Variants in MEGF6 observed in about 807,000 individuals in gnomAD.
The protein encoded by MEGF6 is multiple EGF like domains 6.
MEGF6 carries 184 observed loss-of-function variants against 207.1 expected under a neutral mutation model. The observed-to-expected ratio is 0.89, with a 90% confidence interval of 0.79 to 1.00. The LOEUF (loss-of-function observed/expected upper bound fraction) is 1.00, where lower values mean the gene tolerates loss of function less well. Ranked by LOEUF, MEGF6 falls within the 50% of genes least tolerant of loss-of-function variation. The pLI is 0.00. For synonymous variants in MEGF6, 1,038 were observed against 910.0 expected (o/e 1.14, Z -2.53); for missense variants, 2,282 against 2,202.9 (o/e 1.04, Z -0.72).
chr1:3,527,176 G>C (rs1027486459), intron 4 of MEGF6, among the ~76,000 whole-genome samples: 2 of 152,110 alleles, frequency 1.3e-5, no homozygotes, highest in Admixed American at 6.5e-5. Context: ...CACCTTCCAG[G>C]CTCCATCCTA....
At chr1:3,525,313 A>G (rs1269074674) in intron 4 of MEGF6, among the ~76,000 whole-genome samples, 1 of 152,230 alleles carries the variant, frequency 6.6e-6, no homozygotes, top group Non-Finnish European at 1.5e-5. Flanking sequence ...GACTTAGCTG[A>G]TGCCCCACTC....
At position 3,509,251 on chromosome 1, in the gene MEGF6, A is replaced by AG. The variant is rs1158776242; in HGVS notation, c.1358-7dup. On this transcript the variant is annotated splice_region_variant and splice_polypyrimidine_tract_variant and intron_variant, in intron 11 of 36. Coordinates refer to ENST00000356575, the MANE Select transcript of MEGF6 (RefSeq NM_001409.4). The stretch of plus-strand genomic sequence containing the variant: ...CACCATCGGCTCCTCCAGGGCTGCC[A>AG]GGGGCACAGAGGCGCCTTAGCCCCT... The AG allele has an allele frequency of 6.8e-7, 1 of 1,465,596 alleles. No homozygotes were observed. Among genetic ancestry groups the AG allele is most frequent in the Non-Finnish European group, 9.0e-7 (1 of 1,106,222 alleles). The allele number at this position is 1,465,596 out of a possible 1,614,324, so 90.8% of individuals were successfully genotyped here.
At chr1:3,615,587 C>T (rs374279229), upstream of MEGF6, among the ~76,000 whole-genome samples, 17 of 152,354 alleles carry the variant, frequency 1.1e-4, 1 homozygote, top group East Asian at 7.7e-4. Flanking sequence ...CACATCCCTG[C>T]GTGTTCTTGG....
At chr1:3,584,435 A>T (rs955717155) in intron 3 of MEGF6, among the ~76,000 whole-genome samples, 2 of 152,154 alleles carry the variant, frequency 1.3e-5, no homozygotes, top group Non-Finnish European at 2.9e-5. Flanking sequence ...AGTTGGGGTG[A>T]CCACCAGGCG....
At chr1:3,528,777 A>G (rs1159259107) in intron 4 of MEGF6, among the ~76,000 whole-genome samples, 1 of 152,144 alleles carries the variant, frequency 6.6e-6, no homozygotes, top group Non-Finnish European at 1.5e-5. Context: ...TGAAAGGGGC[A>G]AGAGACAGAC....
intron 1 of MEGF6, among the ~76,000 whole-genome samples, chr1:3,608,705 G>A (rs1644286109): frequency 6.6e-6 from 1 of 152,156 alleles, no homozygotes; most frequent in African/African-American, 2.4e-5. Flanking sequence ...TCCAACCATG[G>A]CTGGTCCGAG....
At chr1:3,505,960 A>G in intron 15 of MEGF6, 148 bp downstream of exon 15, 1 of 1,115,724 alleles carries the variant, frequency 9.0e-7, no homozygotes, top group South Asian at 1.6e-5. Flanking sequence ...CCACAGACTC[A>G]TGGCGGACCC....
upstream of MEGF6, among the ~76,000 whole-genome samples, chr1:3,614,784 G>A (rs985111259): frequency 4.6e-5 from 7 of 152,160 alleles, no homozygotes; most frequent in African/African-American, 7.2e-5. Flanking sequence ...TCTGCTGTCC[G>A]CCGTGAAGGA....
In MEGF6 at chr1:3,602,680, G is replaced by C; in HGVS notation, c.132-80C>G. 2.6e-6 allele frequency: 4 copies of C among 1,520,956 alleles called. No homozygotes were observed. In the South Asian group the frequency reaches 5.1e-5, roughly 19 times the overall value. 94.2% of individuals were successfully genotyped at this position (1,520,956 alleles called of 1,614,324 possible). A position where few individuals can be genotyped will look rare whatever the true frequency, so the allele number is the denominator to read the frequency against. ...CACCCCTCCTGCACCCCCAGCCTTG[G>C]GTGTCAGCTCATCTGGAGTGAGGTC... On this transcript the variant is annotated intron_variant, in intron 1 of 36. Coordinates refer to ENST00000356575, the MANE Select transcript of MEGF6 (RefSeq NM_001409.4).
At chr1:3,491,136 G>C (rs1365498070) in intron 35 of MEGF6, among the ~76,000 whole-genome samples, 177 bp from the exon 36 acceptor site, 1 of 151,904 alleles carries the variant, frequency 6.6e-6, no homozygotes, top group Non-Finnish European at 1.5e-5. Context: ...GCTGGGGGGG[G>C]GGGCTCTCCC....
Position 3,509,877 on chromosome 1 carries a change from G to A in MEGF6, c.1350C>T (p.Gly450=). ...GGAGGGCGGGAGACTCACGGCTGCAGCCCCTACGGTCCTCGTGCAGCCGGT... is the reference window on the plus strand; with the variant it reads ...GGAGGGCGGGAGACTCACGGCTGCAACCCCTACGGTCCTCGTGCAGCCGGT... ...AGYRLHEDRR[G]CSPLEEPMVD... Residue 450 remains glycine (G), a synonymous_variant, in exon 11 of 37, where the codon GGC becomes GGT. Coordinates refer to ENST00000356575, the MANE Select transcript of MEGF6 (RefSeq NM_001409.4). The A allele has an allele frequency of 1.3e-6, 2 of 1,557,674 alleles. No homozygotes were observed. The highest frequency in any genetic ancestry group is 1.2e-5 in the South Asian group (1 of 84,704).
chr1:3,602,869 C>T lies in MEGF6; in HGVS notation c.132-269G>A, dbSNP rs947676100. 5.3e-5 allele frequency among the ~76,000 whole-genome samples: 8 copies of T among 152,192 alleles called. No homozygotes were observed. In the East Asian group the frequency reaches 1.5e-3, roughly 29 times the overall value. On this transcript the variant is annotated intron_variant, in intron 1 of 36. Transcript: ENST00000356575. ...TGGATCCTAGTGCCCTAAGACCTTG[C>T]AACACAGCCACCAACGACGCTGCCT...
chr1:3,588,880 G>A (rs1212928074), intron 3 of MEGF6, among the ~76,000 whole-genome samples: 1 of 152,008 alleles, frequency 6.6e-6, no homozygotes, highest in Non-Finnish European at 1.5e-5. Flanking sequence ...TGCCCTGCAC[G>A]GCAGGCCCAG....
At chr1:3,514,730 C>T (rs1641478116) in intron 6 of MEGF6, 58 bp from the exon 7 acceptor site, 9 of 1,489,918 alleles carry the variant, frequency 6.0e-6, no homozygotes, top group Non-Finnish European at 8.1e-6. Flanking sequence ...GGCTGCAGGG[C>T]GCCTGCCCCC....
intron 4 of MEGF6, among the ~76,000 whole-genome samples, chr1:3,564,183 G>A (rs1360791462): frequency 1.3e-5 from 2 of 150,122 alleles, no homozygotes; most frequent in Non-Finnish European, 3.0e-5. Context: ...GAGCTGAGTC[G>A]GGGTGGGGGA....
chr1:3,595,324 C>T lies in MEGF6; in HGVS notation c.376+14G>A, dbSNP rs1413516246. ...GAGGTGGAGGGAGGGCGGGGAGGCGCAGGCGGCACTCACCCGAGAGGCAGC... is the reference window on the plus strand; with the variant it reads ...GAGGTGGAGGGAGGGCGGGGAGGCGTAGGCGGCACTCACCCGAGAGGCAGC... On this transcript the variant is annotated intron_variant, in intron 3 of 36. Transcript: ENST00000356575. 6.3e-7 allele frequency: 1 copy of T among 1,595,932 alleles called. No individual in the cohort carries two copies. The highest frequency in any genetic ancestry group is 8.6e-7 in the Non-Finnish European group (1 of 1,165,432).
Position 3,495,970 on chromosome 1 carries a change from C to T in MEGF6, c.3791G>A (p.Cys1264Tyr). 2 of 1,577,444 alleles carry T rather than the reference C, an allele frequency of 1.3e-6. No homozygotes were observed. Among genetic ancestry groups the T allele is most frequent in the Non-Finnish European group, 8.6e-7 (1 of 1,169,154 alleles). Residue 1264 changes from cysteine to tyrosine, a missense_variant, in exon 30 of 37, where the codon TGT (cysteine) becomes TAT (tyrosine). Transcript: ENST00000356575. Reference sequence around the variant, plus strand: ...AGGGTCGCAGGCCGCCCCCTGCCCACACCCACACACGTGGGTGCAGTTGGG... The same window carrying T: ...AGGGTCGCAGGCCGCCCCCTGCCCATACCCACACACGTGGGTGCAGTTGGG... Reference protein sequence around the residue: ...FGPNCTHVCGCGQGAACDPVT... With the variant: ...FGPNCTHVCGYGQGAACDPVT...
At chr1:3,505,123 C>G in intron 17 of MEGF6, 85 bp downstream of exon 17, 3 of 1,538,382 alleles carry the variant, frequency 2.0e-6, no homozygotes, top group Non-Finnish European at 2.6e-6. Context: ...AGCTGTGCAG[C>G]CCTTCTGAAG....
At chr1:3,613,206 C>T (rs1488693124), upstream of MEGF6, among the ~76,000 whole-genome samples, 1 of 152,190 alleles carries the variant, frequency 6.6e-6, no homozygotes. Context: ...CTCACCCACC[C>T]CCACTGACCA....
Sources: allele counts gnomAD v4.1 joint callset (sites outside exome capture counted in the v4.1 genomes callset), GRCh38; gene constraint gnomAD v4.1.1; transcripts MANE v1.5; gene names NCBI Gene and HGNC (gene_info 2026-07-23, HGNC 2026-07-21).